Variants in TSPAN5 observed in about 807,000 individuals in gnomAD.
TSPAN5 encodes tetraspanin 5, also known as tetraspanin-5.
TSPAN5 carries 10 observed loss-of-function variants against 37.1 expected under a neutral mutation model. The observed-to-expected ratio is 0.27, with a 90% CI of 0.17 to 0.46. The LOEUF (loss-of-function observed/expected upper bound fraction) is 0.46, where lower values mean the gene tolerates loss of function less well. TSPAN5 is among the 20% of genes least tolerant of loss of function. The probability of loss-of-function intolerance (pLI) is 1.00; values close to 1 mark genes in which losing one functional copy is unlikely to be tolerated. For synonymous variants in TSPAN5, 110 were observed against 118.9 expected (o/e 0.93, Z 0.48); for missense variants, 195 against 326.6 (o/e 0.60, Z 3.11).
intron 2 of TSPAN5, among the ~76,000 whole-genome samples, chr4:98,491,330 T>G (rs992512764): frequency 6.6e-6 from 1 of 152,150 alleles, no homozygotes; most frequent in Admixed American, 6.5e-5. Flanking sequence ...TTAGGGAAAA[T>G]TAGGGATTAC....
intron 4 of TSPAN5, 31 bp from the exon 5 acceptor site, chr4:98,478,841 C>A: frequency 6.2e-7 from 1 of 1,608,520 alleles, no homozygotes; most frequent in Non-Finnish European, 8.5e-7. Flanking sequence ...TTAGAACATC[C>A]CAACTTGGAG....
intron 1 of TSPAN5, among the ~76,000 whole-genome samples, chr4:98,591,061 T>C (rs1579014159): frequency 6.7e-6 from 1 of 148,596 alleles, no homozygotes; most frequent in Non-Finnish European, 1.5e-5. Context: ...ATGCTTTTCC[T>C]TTTTTTTGTT....
At chr4:98,548,457 G>A (rs1273775981) in intron 1 of TSPAN5, among the ~76,000 whole-genome samples, 2 of 152,196 alleles carry the variant, frequency 1.3e-5, no homozygotes, top group Non-Finnish European at 2.9e-5. Flanking sequence ...AAAGAGATCC[G>A]TACACAGTTA....
chr4:98,560,752 T>A (rs1754863455), intron 1 of TSPAN5, among the ~76,000 whole-genome samples: 1 of 152,252 alleles, frequency 6.6e-6, no homozygotes, highest in African/African-American at 2.4e-5. Context: ...ACTATATATA[T>A]AATATAATGT....
chr4:98,501,912 G>C (rs536238662), intron 2 of TSPAN5, among the ~76,000 whole-genome samples: 61 of 152,330 alleles, frequency 4.0e-4, no homozygotes, highest in Non-Finnish European at 7.8e-4. Flanking sequence ...AAGAGCAGAG[G>C]CAGGGAGATA....
At chr4:98,643,947 A>G (rs1757009413) in intron 1 of TSPAN5, among the ~76,000 whole-genome samples, 1 of 152,236 alleles carries the variant, frequency 6.6e-6, no homozygotes, top group Admixed American at 6.5e-5. Context: ...ATAACGAAAC[A>G]GGTGCTCAGG....
intron 1 of TSPAN5, among the ~76,000 whole-genome samples, chr4:98,524,360 T>C (rs1284884353): frequency 6.6e-6 from 1 of 152,208 alleles, no homozygotes; most frequent in Non-Finnish European, 1.5e-5. Flanking sequence ...AGCATAATGC[T>C]TATGAAAAAT....
intron 1 of TSPAN5, among the ~76,000 whole-genome samples, chr4:98,563,013 C>T (rs2110170972): frequency 6.6e-6 from 1 of 152,268 alleles, no homozygotes; most frequent in East Asian, 1.9e-4. Context: ...GGGAATGAAA[C>T]TGCCCAAACA....
chr4:98,516,080 G>C (rs1280177536), intron 1 of TSPAN5, among the ~76,000 whole-genome samples: 1 of 152,176 alleles, frequency 6.6e-6, no homozygotes, highest in East Asian at 1.9e-4. Flanking sequence ...AATCCTTTCA[G>C]AAGAACGTGG....
intron 4 of TSPAN5, among the ~76,000 whole-genome samples, chr4:98,480,863 C>T (rs1384335318): frequency 6.6e-6 from 1 of 152,160 alleles, no homozygotes; most frequent in East Asian, 1.9e-4. Flanking sequence ...CAGCTTACTC[C>T]AGGACGAAAT....
At chr4:98,648,117 T>C (rs61519543) in intron 1 of TSPAN5, among the ~76,000 whole-genome samples, 31,223 of 152,076 alleles carry the variant, frequency 0.21, 3,867 homozygotes, top group South Asian at 0.33. Flanking sequence ...GGGTCTTCTG[T>C]ATTTGCTTTA....
intron 1 of TSPAN5, among the ~76,000 whole-genome samples, chr4:98,607,961 T>G (rs1011272616): frequency 2.0e-5 from 3 of 152,158 alleles, no homozygotes; most frequent in Non-Finnish European, 4.4e-5. Context: ...TCCGCCTGCC[T>G]CGGGCTCCCA....
At chr4:98,474,156 G>A (rs1012337610) in intron 7 of TSPAN5, among the ~76,000 whole-genome samples, 8 of 152,086 alleles carry the variant, frequency 5.3e-5, no homozygotes, top group African/African-American at 1.9e-4. Flanking sequence ...TTTTCTTCTG[G>A]AGTTCTATAG....
chr4:98,500,420 G>A (rs1203990135), intron 2 of TSPAN5: 1 of 152,250 alleles, frequency 6.6e-6, no homozygotes, highest in Admixed American at 6.5e-5. Flanking sequence ...GGGGGCTAGA[G>A]CTCCTCTAAT....
At chr4:98,501,158 G>A (rs1465523058) in intron 2 of TSPAN5, among the ~76,000 whole-genome samples, 3 of 152,102 alleles carry the variant, frequency 2.0e-5, no homozygotes, top group Non-Finnish European at 2.9e-5. Flanking sequence ...CCACTTTTAC[G>A]AGAGAAGTAA....
At chr4:98,632,485 T>C (rs1247889694) in intron 1 of TSPAN5, among the ~76,000 whole-genome samples, 1 of 151,988 alleles carries the variant, frequency 6.6e-6, no homozygotes, top group Non-Finnish European at 1.5e-5. Context: ...ACTTTGAAAG[T>C]GAAAGGGGAC....
At chr4:98,652,037 T>A (rs1217078216) in intron 1 of TSPAN5, among the ~76,000 whole-genome samples, 1 of 151,810 alleles carries the variant, frequency 6.6e-6, no homozygotes, top group Non-Finnish European at 1.5e-5. Flanking sequence ...TTTAATTTTT[T>A]TTTGTAGAGA....
At chr4:98,555,942 C>T (rs996071926) in intron 1 of TSPAN5, among the ~76,000 whole-genome samples, 1 of 151,318 alleles carries the variant, frequency 6.6e-6, no homozygotes, top group Admixed American at 6.6e-5. Context: ...CTCCTCCCTG[C>T]AAAAAGACTG....
chr4:98,550,070 T>C (rs1381518315), intron 1 of TSPAN5, among the ~76,000 whole-genome samples: 1 of 152,196 alleles, frequency 6.6e-6, no homozygotes, highest in Non-Finnish European at 1.5e-5. Context: ...TTGTATATGA[T>C]AAGAGGTATG....
Sources: allele counts gnomAD v4.1 joint callset (sites outside exome capture counted in the v4.1 genomes callset), GRCh38; gene constraint gnomAD v4.1.1; transcripts MANE v1.5; gene names NCBI Gene and HGNC (gene_info 2026-07-23, HGNC 2026-07-21).